The following GSE1 variants were observed in gnomAD, a reference collection of about 807,000 sequenced individuals.
GSE1 encodes Gse1 coiled-coil protein, also known as genetic suppressor element 1.
In GSE1, 32 loss-of-function variants were observed where a neutral mutation model predicts 112.6. The ratio of observed to expected loss-of-function variants is 0.28; its 90% CI spans 0.21 to 0.38. The LOEUF (loss-of-function observed/expected upper bound fraction) is 0.38, where lower values mean the gene tolerates loss of function less well. GSE1 is among the 10% of genes least tolerant of loss of function. The pLI is 1.00. For synonymous variants in GSE1, 1,115 were observed against 735.6 expected (o/e 1.52, Z -8.35); for missense variants, 2,348 against 1,699.2 (o/e 1.38, Z -6.71).
chr16:85,421,995 G>A (rs1056024567), intron 2 of GSE1, among the ~76,000 whole-genome samples: 2 of 152,102 alleles, frequency 1.3e-5, no homozygotes, highest in South Asian at 4.1e-4. Context: ...TGTCTTTCCG[G>A]GGGCCCCTCT....
Position 85,263,047 on chromosome 16 carries a change from AGGGCGG to A in GSE1, c.2283+91245_2283+91250del, listed in dbSNP as rs1256911933. ...ACACACGGATCCCACAGATCGCGGGAGGGCGGGGGCCGGGCTCGCTTACAGCACTCC... is the reference window on the plus strand; with the variant it reads ...ACACACGGATCCCACAGATCGCGGGAGGGCCGGGCTCGCTTACAGCACTCC... On this transcript the variant is annotated intron_variant, in intron 1 of 2. Transcript: ENST00000637419. Among the ~76,000 whole-genome samples the A allele has an allele frequency of 1.3e-5, 2 of 152,186 alleles. 1 individual carries two copies. The highest frequency in any genetic ancestry group is 2.9e-5 in the Non-Finnish European group (2 of 68,032).
intron 2 of GSE1, among the ~76,000 whole-genome samples, chr16:85,458,279 GC>G (rs1484621068): frequency 5.3e-5 from 8 of 152,234 alleles, no homozygotes; most frequent in African/African-American, 1.9e-4. Flanking sequence ...CCCTCAAGGA[GC>G]AGGGAGGAGT....
intron 6 of GSE1, among the ~76,000 whole-genome samples, chr16:85,656,130 C>T (rs558489659): frequency 2.0e-5 from 3 of 152,230 alleles, no homozygotes; most frequent in South Asian, 2.1e-4. Context: ...ACCTGCAGGC[C>T]GAGGAGCTCT....
intron 3 of GSE1, among the ~76,000 whole-genome samples, chr16:85,649,081 T>TGCCGGTGGCTGCCTTCTCCCTGGGTC (rs2051120367): frequency 6.6e-6 from 1 of 152,186 alleles, no homozygotes; most frequent in South Asian, 2.1e-4. Flanking sequence ...TCTCCTGGGT[T>TGCCGGTGGCTGCCTTCTCCCTGGGTC]GCCGGTGGCT....
chr16:85,586,375 T>G (rs1199258750), intron 1 of GSE1, among the ~76,000 whole-genome samples: 1 of 152,174 alleles, frequency 6.6e-6, no homozygotes, highest in East Asian at 1.9e-4. Flanking sequence ...GTCCGTGAGG[T>G]TCCCGAGTGC....
intron 3 of GSE1, among the ~76,000 whole-genome samples, chr16:85,652,545 AGGCGGC>A (rs142500416): frequency 6.8e-4 from 102 of 150,950 alleles, no homozygotes; most frequent in African/African-American, 1.8e-3. Context: ...TGAAGATTCC[AGGCGGC>A]GGCGGCGGCG....
chr16:85,564,385 TTGG>T (rs1376883792), intron 1 of GSE1, among the ~76,000 whole-genome samples: 1 of 152,014 alleles, frequency 6.6e-6, no homozygotes, highest in Non-Finnish European at 1.5e-5. Flanking sequence ...CGTTGTGGTG[TTGG>T]TGGTGGTGTG....
chr16:85,410,381 C>G (rs1277349512), intron 2 of GSE1, among the ~76,000 whole-genome samples: 1 of 44,732 alleles, frequency 2.2e-5, no homozygotes, highest in Non-Finnish European at 4.0e-5. Context: ...ATAATCCTCA[C>G]TTTTACACTC....
At chr16:85,346,203 G>T (rs2046731976) in intron 1 of GSE1, among the ~76,000 whole-genome samples, 2 of 147,488 alleles carry the variant, frequency 1.4e-5, no homozygotes, top group African/African-American at 5.0e-5. Context: ...AACAATGGAT[G>T]GGAAGATGGA....
chr16:85,328,373 G>A (rs1466489260), intron 1 of GSE1, among the ~76,000 whole-genome samples: 1 of 152,186 alleles, frequency 6.6e-6, no homozygotes, highest in Non-Finnish European at 1.5e-5. Flanking sequence ...AGAGGCGTCG[G>A]GGCTGCAGGA....
At chr16:85,400,768 ATG>A (rs941988607) in intron 2 of GSE1, among the ~76,000 whole-genome samples, 2 of 124,912 alleles carry the variant, frequency 1.6e-5, no homozygotes, top group African/African-American at 3.1e-5. Flanking sequence ...TGTCTCTGTG[ATG>A]TGTGTGTCTC....
chr16:85,612,873 C>T (rs1301898753), upstream of GSE1, among the ~76,000 whole-genome samples: 1 of 152,222 alleles, frequency 6.6e-6, no homozygotes, highest in Non-Finnish European at 1.5e-5. Context: ...CGGGACGCAG[C>T]TGCGAGACAG....
chr16:85,361,906 G>T (rs2047090070), intron 2 of GSE1, among the ~76,000 whole-genome samples: 1 of 152,048 alleles, frequency 6.6e-6, no homozygotes, highest in Non-Finnish European at 1.5e-5. Flanking sequence ...CGTCACTACG[G>T]TCGGATAGGG....
intron 1 of GSE1, among the ~76,000 whole-genome samples, chr16:85,214,942 C>T (rs2075284779): frequency 6.6e-6 from 1 of 152,162 alleles, no homozygotes; most frequent in South Asian, 2.1e-4. Context: ...TCCATTCACC[C>T]CTCCTTGCCC....
intron 2 of GSE1, among the ~76,000 whole-genome samples, chr16:85,379,242 G>A (rs2047491847): frequency 6.6e-6 from 1 of 152,168 alleles, no homozygotes; most frequent in African/African-American, 2.4e-5. Flanking sequence ...GAGGGAGTGT[G>A]TTGCACCAAT....
chr16:85,624,689 T>C (rs948657055), intron 1 of GSE1, among the ~76,000 whole-genome samples: 1 of 152,190 alleles, frequency 6.6e-6, no homozygotes. Flanking sequence ...CCAGCCTCCG[T>C]TCAGCCTCTG....
intron 2 of GSE1, among the ~76,000 whole-genome samples, chr16:85,647,332 C>T (rs930720518): frequency 2.0e-5 from 3 of 152,212 alleles, no homozygotes; most frequent in Non-Finnish European, 4.4e-5. Flanking sequence ...CTGAGGGGTT[C>T]TTTCTGAGGC....
intron 1 of GSE1, among the ~76,000 whole-genome samples, chr16:85,346,430 G>GA (rs1555566737): frequency 1.4e-5 from 2 of 145,338 alleles, no homozygotes; most frequent in East Asian, 4.4e-4. Context: ...TGATGGACAG[G>GA]TGGATGGTGG....
intron 2 of GSE1, among the ~76,000 whole-genome samples, chr16:85,381,881 C>G (rs1438896822): frequency 6.6e-6 from 1 of 152,226 alleles, no homozygotes; most frequent in African/African-American, 2.4e-5. Flanking sequence ...GTCAGGGTCC[C>G]CTGCCTGACA....
Sources: gnomAD v4.1 joint callset for allele counts (sites outside exome capture counted in the v4.1 genomes callset) on GRCh38, gnomAD v4.1.1 for gene constraint, MANE v1.5 for transcripts, NCBI Gene and HGNC (gene_info 2026-07-23, HGNC 2026-07-21) for gene names.